The following ANK2 variants were observed in gnomAD, a reference collection of about 807,000 sequenced individuals.
The protein encoded by ANK2 is ankyrin 2, also known as ankyrin-2.
In ANK2, 83 loss-of-function variants were observed where a neutral mutation model predicts 360.5. That is an observed-to-expected ratio of 0.23 (90% CI 0.19 to 0.28). ANK2 has a LOEUF of 0.28. Ranked by LOEUF, ANK2 falls within the 10% of genes least tolerant of loss-of-function variation. The probability of loss-of-function intolerance (pLI) is 1.00; values close to 1 mark genes in which losing one functional copy is unlikely to be tolerated. For synonymous variants in ANK2, 1,740 were observed against 1,759.5 expected (o/e 0.99, Z 0.28); for missense variants, 4,201 against 4,795.7 (o/e 0.88, Z 3.66).
the ANK2 span, among the ~76,000 whole-genome samples, chr4:112,714,175 A>G: frequency 6.6e-6 from 1 of 152,098 alleles, no homozygotes. Context: ...CTTATTTGAC[A>G]TCCTTTAGTT....
chr4:112,744,312 GT>G, the ANK2 span, among the ~76,000 whole-genome samples: 1 of 150,072 alleles, frequency 6.7e-6, no homozygotes, highest in Non-Finnish European at 1.5e-5. Flanking sequence ...ATTGTTTCCA[GT>G]TTTTCACGTT....
intron 2 of ANK2, among the ~76,000 whole-genome samples, chr4:112,966,673 A>G (rs1276840589): frequency 6.6e-6 from 1 of 152,124 alleles, no homozygotes; most frequent in East Asian, 1.9e-4. Context: ...AAAGGTGTCT[A>G]TATTTAGATA....
the ANK2 span, among the ~76,000 whole-genome samples, chr4:112,729,876 A>G: frequency 8.5e-5 from 13 of 152,304 alleles, no homozygotes; most frequent in East Asian, 2.5e-3. Context: ...AGAGGGTACT[A>G]TGTTAAATGA....
At chr4:112,967,435 C>T (rs2037724238) in intron 2 of ANK2, among the ~76,000 whole-genome samples, 1 of 152,182 alleles carries the variant, frequency 6.6e-6, no homozygotes, top group South Asian at 2.1e-4. Context: ...TTTCCCTCAC[C>T]ACCATTTAGT....
At chr4:113,141,011 T>G (rs554545963) in intron 1 of ANK2, among the ~76,000 whole-genome samples, 1 of 151,972 alleles carries the variant, frequency 6.6e-6, no homozygotes, top group Non-Finnish European at 1.5e-5. Context: ...TCGAAACATT[T>G]GAAGGAAAAT....
the ANK2 span, among the ~76,000 whole-genome samples, chr4:112,737,216 A>G: frequency 0.59 from 89,300 of 152,128 alleles, 26,952 homozygotes; most frequent in East Asian, 0.93. Flanking sequence ...CATATTCACA[A>G]ACATTAGTTA....
chr4:112,865,031 CAAAAAAAAAAAAAAAAAAAAAAAAAAA>C (rs56149739), intron 1 of ANK2, among the ~76,000 whole-genome samples: 1,582 of 52,604 alleles, frequency 0.03, 69 homozygotes, highest in African/African-American at 0.11. Context: ...GACTCCATCT[CAAAAAAAAAAAAAAAAAAAAAAAAAAA>C]AAAAAAAAAA....
At chr4:113,061,589 C>T (rs1312058880) in intron 1 of ANK2, among the ~76,000 whole-genome samples, 1 of 152,060 alleles carries the variant, frequency 6.6e-6, no homozygotes, top group African/African-American at 2.4e-5. Context: ...TACACACGCA[C>T]TTACATTATT....
intron 2 of ANK2, among the ~76,000 whole-genome samples, chr4:113,188,514 C>G (rs910891406): frequency 2.0e-5 from 3 of 152,080 alleles, no homozygotes; most frequent in Admixed American, 2.0e-4. Flanking sequence ...TTTGAGAAAA[C>G]CTGCATCAAA....
At chr4:112,844,952 T>C (rs2062959010) in intron 1 of ANK2, among the ~76,000 whole-genome samples, 1 of 152,134 alleles carries the variant, frequency 6.6e-6, no homozygotes, top group African/African-American at 2.4e-5. Context: ...AAAAACATAT[T>C]CAACTTATCT....
At chr4:112,819,284 G>A (rs1343630430) in intron 1 of ANK2, among the ~76,000 whole-genome samples, 1 of 152,174 alleles carries the variant, frequency 6.6e-6, no homozygotes, top group South Asian at 2.1e-4. Context: ...AGAGTTCTAG[G>A]TCAAGGTGTA....
intron 1 of ANK2, among the ~76,000 whole-genome samples, chr4:113,081,546 A>C (rs1165884822): frequency 3.3e-5 from 5 of 152,146 alleles, no homozygotes; most frequent in South Asian, 2.1e-4. Flanking sequence ...TTAATGCAAA[A>C]ATTTTATTAT....
At chr4:112,743,085 A>G in the ANK2 span, among the ~76,000 whole-genome samples, 2 of 152,214 alleles carry the variant, frequency 1.3e-5, no homozygotes, top group Non-Finnish European at 2.9e-5. Context: ...ATCTTTTCCT[A>G]TATTAGCTCA....
chr4:112,833,827 A>G (rs1002647698), intron 1 of ANK2, among the ~76,000 whole-genome samples: 10 of 152,224 alleles, frequency 6.6e-5, no homozygotes, highest in Admixed American at 5.9e-4. Context: ...TTTAAAATAC[A>G]TAATAGACTG....
chr4:113,234,246 T>C (rs139138262), intron 5 of ANK2, among the ~76,000 whole-genome samples: 6 of 152,270 alleles, frequency 3.9e-5, no homozygotes, highest in Admixed American at 2.0e-4. Context: ...TTATGTACAT[T>C]GCAGCAGTAG....
In ANK2 at chr4:113,336,072, G is replaced by T; in HGVS notation, c.3591+15G>T. On this transcript the variant is annotated intron_variant, in intron 30 of 45. Coordinates refer to ENST00000357077, the MANE Select transcript of ANK2 (RefSeq NM_001148.6). Reference sequence around the variant, plus strand: ...TAGGCCTGCAGGTATGCCCATGTTAGATGCAAATGATCCTAACAGGATTGT... The same window carrying T: ...TAGGCCTGCAGGTATGCCCATGTTATATGCAAATGATCCTAACAGGATTGT... 1.2e-6 allele frequency: 2 copies of T among 1,611,424 alleles called. No homozygotes were observed. Among genetic ancestry groups the T allele is most frequent in the Non-Finnish European group, 1.7e-6 (2 of 1,178,438 alleles).
intron 2 of ANK2, among the ~76,000 whole-genome samples, chr4:112,909,938 T>C (rs978642654): frequency 1.3e-5 from 2 of 152,238 alleles, no homozygotes; most frequent in African/African-American, 2.4e-5. Context: ...AGTAATTCTC[T>C]ATTATAGTTA....
chr4:113,089,024 G>A (rs1012360932), intron 1 of ANK2, among the ~76,000 whole-genome samples: 1 of 152,100 alleles, frequency 6.6e-6, no homozygotes, highest in Non-Finnish European at 1.5e-5. Flanking sequence ...ACTCCAGTGG[G>A]CCCAACTGGC....
At chr4:113,294,958 C>T (rs541172635) in intron 22 of ANK2, among the ~76,000 whole-genome samples, 2 of 152,260 alleles carry the variant, frequency 1.3e-5, no homozygotes, top group South Asian at 4.1e-4. Flanking sequence ...GTGTACATCA[C>T]AATACGTGAA....
Sources: gnomAD v4.1 joint callset for allele counts (sites outside exome capture counted in the v4.1 genomes callset) on GRCh38, gnomAD v4.1.1 for gene constraint, MANE v1.5 for transcripts, NCBI Gene and HGNC (gene_info 2026-07-23, HGNC 2026-07-21) for gene names.